The following EVA1C variants were observed in gnomAD, a reference collection of about 807,000 sequenced individuals.
The protein encoded by EVA1C is protein eva-1 homolog C.
In EVA1C, 25 loss-of-function variants were observed where a neutral mutation model predicts 45.4. The observed-to-expected ratio is 0.55, with a 90% CI of 0.40 to 0.77. EVA1C has a LOEUF of 0.77. Among genes scored for constraint, EVA1C ranks in the 30% least tolerant of loss-of-function variants. The probability of loss-of-function intolerance (pLI) is 0.00; values close to 1 mark genes in which losing one functional copy is unlikely to be tolerated. For synonymous variants in EVA1C, 190 were observed against 221.2 expected, an observed-to-expected ratio of 0.86 and a Z score of 1.25; for missense variants, 479 against 554.8, an observed-to-expected ratio of 0.86 and a Z score of 1.37.
chr21:32,423,070 CAA>C, intron 1 of EVA1C, among the ~76,000 whole-genome samples: 1 of 85,626 alleles, frequency 1.2e-5, no homozygotes, highest in African/African-American at 4.6e-5. Flanking sequence ...GACTCTGTCT[CAA>C]AAAAAAAAAA....
At chr21:32,417,891 G>A (rs1472324147) in intron 1 of EVA1C, among the ~76,000 whole-genome samples, 2 of 152,148 alleles carry the variant, frequency 1.3e-5, no homozygotes, top group Admixed American at 1.3e-4. Context: ...GCCAGTCACT[G>A]ATCTCTTTTT....
At chr21:32,448,642 C>T (rs1406292937) in intron 1 of EVA1C, among the ~76,000 whole-genome samples, 1 of 152,094 alleles carries the variant, frequency 6.6e-6, no homozygotes, top group Non-Finnish European at 1.5e-5. Context: ...GGCACTGTGG[C>T]TCACACCTGT....
rs147557181 is a variant in EVA1C, at chr21:32,416,689, C to A, written c.160+3676C>A. 4.6e-3 allele frequency among the ~76,000 whole-genome samples: 695 copies of A among 152,180 alleles called. 10 individuals carry two copies. Among genetic ancestry groups the A allele is most frequent in the African/African-American group, 0.016 (653 of 41,510 alleles). ...CAAGAAGTTCAAAGTGATTGATGGG[C>A]TTCTAGGTAGAGGTGGGGAGGAAGG... On this transcript the variant is annotated intron_variant, in intron 1 of 7. Transcript: ENST00000300255.
chr21:32,418,117 T>G (rs1212862963), intron 1 of EVA1C, among the ~76,000 whole-genome samples: 1 of 152,164 alleles, frequency 6.6e-6, no homozygotes, highest in African/African-American at 2.4e-5. Flanking sequence ...CACCTGTGCA[T>G]GCACAGCCAT....
chr21:32,502,305 G>A (rs950037974), intron 6 of EVA1C, among the ~76,000 whole-genome samples: 1 of 151,972 alleles, frequency 6.6e-6, no homozygotes, highest in African/African-American at 2.4e-5. Flanking sequence ...CACCATGTTA[G>A]TCAGGCTGGT....
chr21:32,450,511 G>A (rs2035542140), intron 1 of EVA1C, among the ~76,000 whole-genome samples: 1 of 20 alleles, frequency 0.05, no homozygotes. Context: ...CCGGACCACA[G>A]TCCGGGAATG....
chr21:32,418,597 A>C (rs887018634), intron 1 of EVA1C, among the ~76,000 whole-genome samples: 3 of 152,198 alleles, frequency 2.0e-5, no homozygotes, highest in Non-Finnish European at 2.9e-5. Flanking sequence ...TGCAGATGAG[A>C]ACTCAGCCTC....
intron 4 of EVA1C, among the ~76,000 whole-genome samples, chr21:32,470,696 C>T (rs986526962): frequency 3.3e-5 from 5 of 152,140 alleles, no homozygotes; most frequent in Non-Finnish European, 7.4e-5. Context: ...CATCTCCTTA[C>T]TCCCAGGCTT....
At chr21:32,448,908 G>GAAA (rs367862266) in intron 1 of EVA1C, among the ~76,000 whole-genome samples, 1 of 32,422 alleles carries the variant, frequency 3.1e-5, no homozygotes, top group Non-Finnish European at 4.6e-5. Flanking sequence ...AAAAAAGAAA[G>GAAA]GAGAAAAGAG....
chr21:32,423,070 CAAAAAA>C (rs3056306), intron 1 of EVA1C, among the ~76,000 whole-genome samples: 2,630 of 85,506 alleles, frequency 0.031, 40 homozygotes, highest in Non-Finnish European at 0.04. Context: ...GACTCTGTCT[CAAAAAA>C]AAAAAAAAAA....
At chr21:32,444,904 C>A (rs2035311027) in intron 1 of EVA1C, among the ~76,000 whole-genome samples, 1 of 149,984 alleles carries the variant, frequency 6.7e-6, no homozygotes. Flanking sequence ...ATATATATTT[C>A]ACAATATCGC....
chr21:32,482,278 A>G (rs1034394131), intron 4 of EVA1C, among the ~76,000 whole-genome samples: 2 of 152,206 alleles, frequency 1.3e-5, no homozygotes, highest in African/African-American at 4.8e-5. Context: ...AGAACAGCAA[A>G]TGTTTTTGTG....
intron 1 of EVA1C, among the ~76,000 whole-genome samples, chr21:32,448,916 G>GAAAGAAAGAAAGAAAGAAAGAGAGAA (rs60517808): frequency 5.2e-4 from 76 of 146,054 alleles, no homozygotes; most frequent in African/African-American, 1.4e-3. Flanking sequence ...AAGGAGAAAA[G>GAAAGAAAGAAAGAAAGAAAGAGAGAA]AGAGAAAGAA....
rs2035807747 is a variant in EVA1C, at chr21:32,457,047, C to G, written c.358-550C>G. Among the ~76,000 whole-genome samples, 3 of 152,178 alleles carry G rather than the reference C, an allele frequency of 2.0e-5. No individual in the cohort carries two copies. The South Asian group carries it at 6.2e-4, about 32-fold the overall frequency. On this transcript the variant is annotated intron_variant, in intron 2 of 7. Transcript: ENST00000300255. Reference sequence around the variant, plus strand: ...TCTTGAGTTTGATGAGGGTGGGAATCAGCTTTGTAATTTTTATTTTTTGGC... The same window carrying G: ...TCTTGAGTTTGATGAGGGTGGGAATGAGCTTTGTAATTTTTATTTTTTGGC...
intron 6 of EVA1C, among the ~76,000 whole-genome samples, chr21:32,503,343 C>T (rs1367349610): frequency 9.9e-5 from 15 of 152,238 alleles, no homozygotes; most frequent in Admixed American, 5.2e-4. Flanking sequence ...GTAAGGAGTT[C>T]GAGACCAACC....
At chr21:32,496,798 G>C in intron 5 of EVA1C, 1 of 764,858 alleles carries the variant, frequency 1.3e-6, no homozygotes, top group Non-Finnish European at 2.4e-6. Context: ...GGCCGCCATA[G>C]CCCTGGGAAC....
intron 1 of EVA1C, among the ~76,000 whole-genome samples, chr21:32,431,085 G>A (rs1425915695): frequency 6.6e-6 from 1 of 152,136 alleles, no homozygotes; most frequent in Non-Finnish European, 1.5e-5. Context: ...AACATGTGGT[G>A]ATTATGGGAA....
In EVA1C at chr21:32,495,183, C is replaced by T; in HGVS notation, c.778+13C>T. 6.2e-7 allele frequency: 1 copy of T among 1,612,302 alleles called. No individual in the cohort carries two copies. The highest frequency in any genetic ancestry group is 8.5e-7 in the Non-Finnish European group (1 of 1,178,914). ...ACCTACGCATGTGGTAAGAACACAC[C>T]CCCGACCAGCTGCCTGATGACACTG... On this transcript the variant is annotated intron_variant, in intron 5 of 7. Transcript: ENST00000300255.
At chr21:32,456,245 A>AG (rs1157342034) in intron 2 of EVA1C, among the ~76,000 whole-genome samples, 1 of 152,110 alleles carries the variant, frequency 6.6e-6, no homozygotes, top group African/African-American at 2.4e-5. Flanking sequence ...GCTTCCTCAG[A>AG]GGGAGGTTGC....
Sources: gnomAD v4.1 joint callset for allele counts (sites outside exome capture counted in the v4.1 genomes callset) on GRCh38, gnomAD v4.1.1 for gene constraint, MANE v1.5 for transcripts, NCBI Gene and HGNC (gene_info 2026-07-23, HGNC 2026-07-21) for gene names.